The following SPMIP5 variants were observed in gnomAD, a reference collection of about 807,000 sequenced individuals.
SPMIP5 encodes the protein sperm-associated microtubule inner protein 5.
At chr10:116,664,826 GT>G in the SPMIP5 span, 1 of 1,614,048 alleles carries the variant, frequency 6.2e-7, no homozygotes, top group African/African-American at 1.3e-5. Context: ...CCTTGTAGCA[GT>G]TTTTGGCCAT....
the SPMIP5 span, among the ~76,000 whole-genome samples, chr10:116,666,342 A>C: frequency 6.6e-6 from 1 of 152,168 alleles, no homozygotes; most frequent in African/African-American, 2.4e-5. Context: ...ACAATTTTTC[A>C]CCATTTCCCA....
chr10:116,667,569 A>G, the SPMIP5 span, among the ~76,000 whole-genome samples: 10 of 152,216 alleles, frequency 6.6e-5, no homozygotes, highest in African/African-American at 2.4e-4. Flanking sequence ...CAACCCTGGA[A>G]TATCACCCAA....
At chr10:116,668,136 A>T in the SPMIP5 span, 1 of 943,234 alleles carries the variant, frequency 1.1e-6, no homozygotes, top group Non-Finnish European at 1.7e-6. Context: ...ATGTCTGAGA[A>T]GCTAGAGCGC....
At chr10:116,663,900 G>A in the SPMIP5 span, 1 of 1,534,540 alleles carries the variant, frequency 6.5e-7, no homozygotes, top group Non-Finnish European at 8.7e-7. Flanking sequence ...GGGAGACTCT[G>A]CGCTTCTAGC....
At chr10:116,665,139 G>C in the SPMIP5 span, 1 of 1,354,932 alleles carries the variant, frequency 7.4e-7, no homozygotes. Flanking sequence ...GCTCATGCCT[G>C]TAATCCCAGC....
chr10:116,664,682 C>G, the SPMIP5 span: 1 of 1,555,036 alleles, frequency 6.4e-7, no homozygotes. Flanking sequence ...GGGATGGGGA[C>G]ATCTGGTAAA....
At chr10:116,664,171 C>G in the SPMIP5 span, 14 of 1,614,140 alleles carry the variant, frequency 8.7e-6, no homozygotes, top group Non-Finnish European at 1.2e-5. Flanking sequence ...CATTTCTCCT[C>G]ACCTGGAATA....
chr10:116,669,486 C>A, the SPMIP5 span, among the ~76,000 whole-genome samples: 1 of 152,154 alleles, frequency 6.6e-6, no homozygotes, highest in Non-Finnish European at 1.5e-5. Flanking sequence ...GCTTTCCACG[C>A]TTGTTTAATC....
At chr10:116,665,044 T>G in the SPMIP5 span, 1 of 1,515,422 alleles carries the variant, frequency 6.6e-7, no homozygotes, top group Non-Finnish European at 8.8e-7. Context: ...GCCTAGGGTC[T>G]CCTAGTTCTC....
chr10:116,665,780 G>A, the SPMIP5 span: 4 of 1,614,046 alleles, frequency 2.5e-6, no homozygotes, highest in Admixed American at 1.7e-5. Flanking sequence ...AGTGGTTCAT[G>A]TCATCCTCCT....
chr10:116,666,701 G>A, the SPMIP5 span, among the ~76,000 whole-genome samples: 2 of 151,924 alleles, frequency 1.3e-5, no homozygotes, highest in African/African-American at 4.8e-5. Context: ...TCCATGCATC[G>A]CCCAGACTCC....
At chr10:116,666,712 C>T in the SPMIP5 span, among the ~76,000 whole-genome samples, 1 of 152,144 alleles carries the variant, frequency 6.6e-6, no homozygotes, top group Admixed American at 6.5e-5. Flanking sequence ...CCCAGACTCC[C>T]CAACCCTTGG....
chr10:116,668,223 T>C, the SPMIP5 span: 1 of 1,602,540 alleles, frequency 6.2e-7, no homozygotes, highest in East Asian at 2.2e-5. Context: ...CGGGTTCCCC[T>C]GCCAGGCACA....
At chr10:116,668,247 T>C in the SPMIP5 span, 1 of 1,612,646 alleles carries the variant, frequency 6.2e-7, no homozygotes, top group South Asian at 1.1e-5. Context: ...GCAGGGTACG[T>C]CCACACTTAC....
At chr10:116,664,903 C>G in the SPMIP5 span, 1 of 1,614,144 alleles carries the variant, frequency 6.2e-7, no homozygotes, top group South Asian at 1.1e-5. Flanking sequence ...CCTGCCCAGC[C>G]AGGGATCGGG....
chr10:116,664,464 CT>C, the SPMIP5 span: 1 of 761,608 alleles, frequency 1.3e-6, no homozygotes, highest in Non-Finnish European at 2.0e-6. Flanking sequence ...ACTCAGCACC[CT>C]TGGGCCTTAA....
the SPMIP5 span, chr10:116,663,945 A>G: frequency 6.5e-7 from 1 of 1,537,674 alleles, no homozygotes; most frequent in Non-Finnish European, 8.7e-7. Context: ...GTGGCTCTAG[A>G]TACATCTTCC....
At chr10:116,664,761 T>C in the SPMIP5 span, 1 of 1,613,724 alleles carries the variant, frequency 6.2e-7, no homozygotes, top group Non-Finnish European at 8.5e-7. Flanking sequence ...CCAGACTCAC[T>C]CTTCATATGG....
chr10:116,664,957 G>A, the SPMIP5 span: 1 of 1,608,308 alleles, frequency 6.2e-7, no homozygotes, highest in South Asian at 1.1e-5. Flanking sequence ...TCTGTAAAAA[G>A]ACACCATGGC....
Sources: gnomAD v4.1 joint callset for allele counts (sites outside exome capture counted in the v4.1 genomes callset) on GRCh38, gnomAD v4.1.1 for gene constraint, MANE v1.5 for transcripts, NCBI Gene and HGNC (gene_info 2026-07-23, HGNC 2026-07-21) for gene names.